The following ACTR3B variants were observed in gnomAD, a reference collection of about 807,000 sequenced individuals.
ACTR3B encodes the protein actin related protein 3B.
In ACTR3B, 8 loss-of-function variants were observed where a neutral mutation model predicts 59.0. The observed-to-expected ratio is 0.14, with a 90% CI of 0.08 to 0.24. ACTR3B has a LOEUF of 0.24. Among genes scored for constraint, ACTR3B ranks in the 10% least tolerant of loss-of-function variants. ACTR3B has a pLI of 1.00. For missense variants in ACTR3B, 245 were observed against 552.3 expected, an observed-to-expected ratio of 0.44 and a Z score of 5.58; for synonymous variants, 148 against 197.9, an observed-to-expected ratio of 0.75 and a Z score of 2.12.
At chr7:152,839,261 G>C (rs1797698210) in intron 9 of ACTR3B, among the ~76,000 whole-genome samples, 1 of 143,562 alleles carries the variant, frequency 7.0e-6, no homozygotes, top group African/African-American at 2.9e-5. Flanking sequence ...ATGGGCTGCG[G>C]GGCGGGGGGT....
chr7:152,844,220 G>A, intron 9 of ACTR3B, among the ~76,000 whole-genome samples: 1 of 151,972 alleles, frequency 6.6e-6, no homozygotes, highest in East Asian at 1.9e-4. Flanking sequence ...ACCATGCCCA[G>A]CTAATTTGTG....
intron 5 of ACTR3B, 26 bp downstream of exon 5, chr7:152,814,671 C>G (rs1795541198): frequency 6.3e-7 from 1 of 1,582,406 alleles, no homozygotes; most frequent in African/African-American, 1.3e-5. Flanking sequence ...TTTGTGATTC[C>G]TAAAGCACCT....
At chr7:152,801,090 G>GA (rs2098234768) in intron 3 of ACTR3B, among the ~76,000 whole-genome samples, 1 of 152,196 alleles carries the variant, frequency 6.6e-6, no homozygotes, top group Non-Finnish European at 1.5e-5. Flanking sequence ...TTTTGTTGTT[G>GA]TTTTTTTAGA....
In ACTR3B at chr7:152,759,795, G is replaced by C; in HGVS notation, c.-88G>C. 1 of 1,059,464 alleles carries C rather than the reference G, an allele frequency of 9.4e-7. No individual in the cohort carries two copies. The highest frequency in any genetic ancestry group is 1.7e-5 in the African/African-American group (1 of 59,638). 65.6% of individuals were successfully genotyped at this position (1,059,464 alleles called of 1,614,324 possible). On this transcript the variant is annotated 5_prime_UTR_variant, in exon 1 of 12. Coordinates refer to ENST00000256001, the MANE Select transcript of ACTR3B (RefSeq NM_020445.6). ...GGCGCTGCGGCGGCTCGCGGGAGAC[G>C]CTGCGCGCGGGGCTAGCGGGCGGCG...
intron 2 of ACTR3B, among the ~76,000 whole-genome samples, chr7:152,789,023 A>AAACAAC (rs71182042): frequency 0.51 from 74,008 of 144,120 alleles, 15,460 homozygotes; most frequent in East Asian, 0.69. Context: ...CGCTGTCTCA[A>AAACAAC]AACAACAACA....
chr7:152,803,361 G>A (rs1358446591), intron 4 of ACTR3B, among the ~76,000 whole-genome samples: 1 of 152,204 alleles, frequency 6.6e-6, no homozygotes, highest in African/African-American at 2.4e-5. Context: ...AGTTGTTTAT[G>A]TGGAGCAAAT....
At chr7:152,761,265 C>T (rs1216023800) in intron 1 of ACTR3B, among the ~76,000 whole-genome samples, 2 of 152,100 alleles carry the variant, frequency 1.3e-5, no homozygotes, top group African/African-American at 2.4e-5. Flanking sequence ...TTATTGACAC[C>T]CTTAACTCAT....
chr7:152,828,218 A>G (rs1796734989), intron 9 of ACTR3B, among the ~76,000 whole-genome samples: 1 of 151,976 alleles, frequency 6.6e-6, no homozygotes, highest in Admixed American at 6.6e-5. Context: ...GGCCTTTGCT[A>G]GTTCCTCAGC....
At chr7:152,804,222 C>T (rs868233785) in intron 4 of ACTR3B, among the ~76,000 whole-genome samples, 42 of 152,190 alleles carry the variant, frequency 2.8e-4, no homozygotes, top group African/African-American at 1.0e-3. Context: ...GCCCAGAGCT[C>T]AGAACGCACT....
chr7:152,771,056 T>C (rs1454424148), intron 1 of ACTR3B, among the ~76,000 whole-genome samples: 2 of 150,392 alleles, frequency 1.3e-5, no homozygotes, highest in Non-Finnish European at 1.5e-5. Context: ...CTCTGCCTCC[T>C]GGGTTTAAGC....
chr7:152,784,147 G>A, intron 2 of ACTR3B, among the ~76,000 whole-genome samples: 1 of 152,062 alleles, frequency 6.6e-6, no homozygotes, highest in Non-Finnish European at 1.5e-5. Flanking sequence ...TTATTATTTG[G>A]AAACAGTTTT....
rs188548495 is a variant in ACTR3B at position 152,854,912 on chromosome 7, A to T, written c.*359A>T. 1.1e-3 allele frequency: 213 copies of T among 186,378 alleles called. 1 individual carries two copies. The highest frequency in any genetic ancestry group is 4.7e-3 in the African/African-American group (200 of 42,940). 11.5% of individuals were successfully genotyped at this position (186,378 alleles called of 1,614,324 possible). On this transcript the variant is annotated 3_prime_UTR_variant, in exon 12 of 12. Transcript: ENST00000256001. This position sits in a 1 kb window ranked among gnomAD's most constrained non-coding sequence, Gnocchi z 4.9. ...GCAAAATCGTTAGGTCCCAGGAGAG[A>T]ATGTGGGGGCGCAAACCCTTTTCCT...
intron 1 of ACTR3B, among the ~76,000 whole-genome samples, chr7:152,778,227 A>AT (rs58107330): frequency 0.038 from 4,905 of 129,638 alleles, 112 homozygotes; most frequent in Middle Eastern, 0.11. Flanking sequence ...TTGAGCCTAG[A>AT]TTTTTTTTTT....
intron 1 of ACTR3B, among the ~76,000 whole-genome samples, chr7:152,778,158 C>T (rs1011559584): frequency 2.7e-5 from 4 of 149,938 alleles, no homozygotes; most frequent in African/African-American, 9.8e-5. Flanking sequence ...TTTTTTTCTG[C>T]CATTATCTCT....
chr7:152,779,305 G>A (rs574519590), intron 1 of ACTR3B, among the ~76,000 whole-genome samples: 1 of 152,034 alleles, frequency 6.6e-6, no homozygotes, highest in Non-Finnish European at 1.5e-5. Context: ...AGGTGATCTG[G>A]TCAGCCACAT....
At chr7:152,775,128 C>T (rs1388605833) in intron 1 of ACTR3B, among the ~76,000 whole-genome samples, 1 of 135,800 alleles carries the variant, frequency 7.4e-6, no homozygotes, top group Non-Finnish European at 1.5e-5. Context: ...GAGGTCAATG[C>T]TGCAATGAGC....
chr7:152,825,959 G>T (rs1796536851), intron 9 of ACTR3B, among the ~76,000 whole-genome samples: 1 of 152,214 alleles, frequency 6.6e-6, no homozygotes, highest in South Asian at 2.1e-4. Flanking sequence ...CCTACTGACA[G>T]CCCGAGATGG....
chr7:152,804,368 G>T (rs538418122), intron 4 of ACTR3B, among the ~76,000 whole-genome samples: 1 of 152,344 alleles, frequency 6.6e-6, no homozygotes, highest in African/African-American at 2.4e-5. Context: ...ATGAGAGGGC[G>T]TGGTGATTCT....
At chr7:152,836,710 T>A (rs1797486731) in intron 9 of ACTR3B, among the ~76,000 whole-genome samples, 1 of 152,258 alleles carries the variant, frequency 6.6e-6, no homozygotes, top group African/African-American at 2.4e-5. Context: ...GTTTTGTCTG[T>A]GCTAGATTCG....
Sources: allele counts gnomAD v4.1 joint callset (sites outside exome capture counted in the v4.1 genomes callset), GRCh38; gene constraint gnomAD v4.1.1; non-coding constraint Gnocchi (gnomAD v3.1); transcripts MANE v1.5; gene names NCBI Gene and HGNC (gene_info 2026-07-23, HGNC 2026-07-21).